Variants in DENND2B observed in about 807,000 individuals in gnomAD.
DENND2B encodes the protein DENN domain containing 2B.
DENND2B carries 32 observed loss-of-function variants against 116.0 expected under a neutral mutation model. The observed-to-expected ratio is 0.28, with a 90% CI of 0.21 to 0.37. DENND2B has a LOEUF of 0.37. Ranked by LOEUF, DENND2B falls within the 10% of genes least tolerant of loss-of-function variation. The pLI is 1.00. For missense variants in DENND2B, 1,276 were observed against 1,477.7 expected (o/e 0.86, Z 2.24); for synonymous variants, 588 against 583.9 (o/e 1.01, Z -0.10).
At chr11:8,818,985 T>C (rs758217720) in intron 4 of DENND2B, among the ~76,000 whole-genome samples, 3 of 152,222 alleles carry the variant, frequency 2.0e-5, no homozygotes, top group Non-Finnish European at 4.4e-5. Context: ...TATTACTTAA[T>C]GTATAGAAGA....
intron 1 of DENND2B, among the ~76,000 whole-genome samples, chr11:8,803,571 T>C (rs149090281): frequency 2.1e-4 from 32 of 152,314 alleles, no homozygotes; most frequent in Admixed American, 8.5e-4. Context: ...CCGCTATATG[T>C]AGGCAGAGAA....
At chr11:8,854,047 T>TTTTTTTTTTTG (rs2063110958) in intron 3 of DENND2B, among the ~76,000 whole-genome samples, 1 of 119,394 alleles carries the variant, frequency 8.4e-6, no homozygotes, top group African/African-American at 3.0e-5. Flanking sequence ...TTTTTTTTTT[T>TTTTTTTTTTTG]GTAGAGACAG....
At chr11:8,870,866 C>G (rs974133649) in intron 2 of DENND2B, 3 of 152,170 alleles carry the variant, frequency 2.0e-5, no homozygotes, top group Non-Finnish European at 2.9e-5. Context: ...GGCCGGGAGT[C>G]GGGAGCAGAG....
chr11:8,717,590 G>T, intron 5 of DENND2B, 151 bp downstream of exon 5: 1 of 859,446 alleles, frequency 1.2e-6, no homozygotes, highest in East Asian at 3.0e-5. Context: ...AGACGAGATC[G>T]GGCACGTTCA....
At chr11:8,813,796 T>G (rs192364966), upstream of DENND2B, among the ~76,000 whole-genome samples, 73 of 152,222 alleles carry the variant, frequency 4.8e-4, no homozygotes, top group Non-Finnish European at 6.6e-4. Context: ...GGAGGTTCCT[T>G]AGGGCCTTGT....
intron 1 of DENND2B, among the ~76,000 whole-genome samples, chr11:8,778,237 T>A (rs1325068112): frequency 6.6e-6 from 1 of 152,208 alleles, no homozygotes; most frequent in Non-Finnish European, 1.5e-5. Flanking sequence ...CATCCAGCCA[T>A]AACGAGCACC....
intron 3 of DENND2B, among the ~76,000 whole-genome samples, chr11:8,847,178 T>C (rs1391651803): frequency 6.6e-6 from 1 of 152,190 alleles, no homozygotes; most frequent in Non-Finnish European, 1.5e-5. Context: ...ATGAGCCAGC[T>C]CTCCAGAGAC....
At chr11:8,873,640 A>C (rs955886456), upstream of DENND2B, among the ~76,000 whole-genome samples, 7 of 152,230 alleles carry the variant, frequency 4.6e-5, no homozygotes, top group Non-Finnish European at 1.0e-4. Flanking sequence ...CTTGACAAAC[A>C]AGGTCGACTA....
Position 8,803,351 on chromosome 11 carries a change from C to G in DENND2B, c.-26+7166G>C, listed in dbSNP as rs2060520969. On this transcript the variant is annotated intron_variant, in intron 1 of 19. Coordinates refer to ENST00000313726, the MANE Select transcript of DENND2B (RefSeq NM_213618.2). ...AGTGAGCCAAGATCATGCCACTGCA[C>G]TCCAGCCTGGGCGACCGAGCGAGAC... Among the ~76,000 whole-genome samples, 4 of 152,196 alleles carry G rather than the reference C, an allele frequency of 2.6e-5. No individual in the cohort carries two copies. The South Asian group carries it at 8.3e-4, about 32-fold the overall frequency.
At chr11:8,721,262 CACAACCTCCCACTCCTCCCT>C (rs978474030) in intron 4 of DENND2B, among the ~76,000 whole-genome samples, 7 of 152,138 alleles carry the variant, frequency 4.6e-5, no homozygotes, top group African/African-American at 9.6e-5. Flanking sequence ...CACTCCTCCC[CACAACCTCCCACTCCTCCCT>C]ACAACCTCCC....
chr11:8,886,567 C>G (rs146069348), intron 1 of DENND2B, among the ~76,000 whole-genome samples: 229 of 151,718 alleles, frequency 1.5e-3, no homozygotes, highest in African/African-American at 5.0e-3. Context: ...TATCATCTTT[C>G]TCTGGCTTTT....
Position 8,896,621 on chromosome 11 carries a change from T to G in DENND2B, c.-256+14200A>C, listed in dbSNP as rs557233768. On this transcript the variant is annotated intron_variant, in intron 1 of 22. Coordinates refer to the DENND2B transcript ENST00000534127. The stretch of plus-strand genomic sequence containing the variant: ...TATGATGGTGCAAAAGCAATATACA[T>G]TCAGTGGAAACCATATGTTGAATAC... Among the ~76,000 whole-genome samples the G allele has an allele frequency of 2.2e-4, 34 of 152,342 alleles. No homozygotes were observed. The South Asian group carries it at 3.9e-3, about 18-fold the overall frequency.
intron 2 of DENND2B, among the ~76,000 whole-genome samples, chr11:8,744,379 C>T (rs1488646921): frequency 6.6e-6 from 1 of 152,118 alleles, no homozygotes; most frequent in African/African-American, 2.4e-5. Context: ...GGTGATCCAC[C>T]CGCCTCGGCC....
chr11:8,718,467 G>A (rs2045508858), intron 4 of DENND2B: 2 of 1,497,046 alleles, frequency 1.3e-6, no homozygotes, highest in Non-Finnish European at 1.8e-6. Context: ...GCAGGGTTTT[G>A]TGTTGTTCAC....
intron 3 of DENND2B, among the ~76,000 whole-genome samples, chr11:8,844,936 CT>C (rs1221412169): frequency 6.6e-6 from 1 of 151,978 alleles, no homozygotes; most frequent in Non-Finnish European, 1.5e-5. Flanking sequence ...GGAACAGAGT[CT>C]TGCTTTGTTG....
Position 8,707,172 on chromosome 11 carries a change from A to T in DENND2B, c.2484T>A (p.Pro828=). ...GCGACTCCATGAGACTTCTCATGAA[A>T]GGATAGACCAATGCAGCGGAGATCC... ...RRGISAALVY[P]FMRSLMESPF... The change falls in exon 13 of 20, where the codon CCT becomes CCA. Residue 828 remains proline, a synonymous_variant. Coordinates refer to ENST00000313726, the MANE Select transcript of DENND2B (RefSeq NM_213618.2). The surrounding 1 kb of genome is among the most constrained non-coding windows in gnomAD (Gnocchi z 4.8). 6.2e-7 allele frequency: 1 copy of T among 1,613,818 alleles called. No homozygotes were observed. The highest frequency in any genetic ancestry group is 8.5e-7 in the Non-Finnish European group (1 of 1,179,840).
At chr11:8,701,808 A>G (rs2041740688) in intron 14 of DENND2B, among the ~76,000 whole-genome samples, 1 of 151,688 alleles carries the variant, frequency 6.6e-6, no homozygotes, top group Non-Finnish European at 1.5e-5. Flanking sequence ...CACCCCTCCC[A>G]TGGCCACCAC....
At chr11:8,841,730 A>C (rs1278863300) in intron 3 of DENND2B, among the ~76,000 whole-genome samples, 1 of 152,224 alleles carries the variant, frequency 6.6e-6, no homozygotes, top group Non-Finnish European at 1.5e-5. Context: ...CTGGTAGCAG[A>C]TGAATTCAGG....
In DENND2B at chr11:8,694,031, G is replaced by A; in HGVS notation, c.*65C>T. On this transcript the variant is annotated 3_prime_UTR_variant, in exon 20 of 20. Coordinates refer to ENST00000313726, the MANE Select transcript of DENND2B (RefSeq NM_213618.2). ...AGCCACAGCAGCCCAGAGGGTCCCA[G>A]GCTGGGCCTTCTCCCCAGGCTTCAG... 1 of 1,593,302 alleles carries A rather than the reference G, an allele frequency of 6.3e-7. No homozygotes were observed. Among genetic ancestry groups the A allele is most frequent in the South Asian group, 1.1e-5 (1 of 89,908 alleles).
Sources: gnomAD v4.1 joint callset for allele counts (sites outside exome capture counted in the v4.1 genomes callset) on GRCh38, gnomAD v4.1.1 for gene constraint, Gnocchi (gnomAD v3.1) non-coding constraint, MANE v1.5 for transcripts, NCBI Gene and HGNC (gene_info 2026-07-23, HGNC 2026-07-21) for gene names.